Variants in SCN3A observed in about 807,000 individuals in gnomAD.
SCN3A encodes the protein sodium channel protein type 3 subunit alpha.
A neutral mutation model predicts 187.6 loss-of-function variants in SCN3A; 60 were observed. That is an observed-to-expected ratio of 0.32 (90% CI 0.26 to 0.40). SCN3A has a LOEUF of 0.40. Ranked by LOEUF, SCN3A falls within the 10% of genes least tolerant of loss-of-function variation. The pLI is 1.00. For missense variants in SCN3A, 1,601 were observed against 2,428.2 expected, an observed-to-expected ratio of 0.66 and a Z score of 7.16; for synonymous variants, 788 against 829.2, an observed-to-expected ratio of 0.95 and a Z score of 0.85.
chr2:165,126,570 T>G (rs1297330606), intron 18 of SCN3A, among the ~76,000 whole-genome samples: 1 of 145,632 alleles, frequency 6.9e-6, no homozygotes, highest in African/African-American at 2.5e-5. Context: ...TCTTTCCCCT[T>G]CCTTCCTCCC....
At chr2:165,116,929 G>T (rs1006474910) in intron 18 of SCN3A, among the ~76,000 whole-genome samples, 2 of 145,614 alleles carry the variant, frequency 1.4e-5, no homozygotes, top group Admixed American at 1.4e-4. Context: ...AGTTCTTAGG[G>T]TCATGATAGC....
At chr2:165,169,364 G>T (rs1351090413) in intron 4 of SCN3A, among the ~76,000 whole-genome samples, 2 of 151,836 alleles carry the variant, frequency 1.3e-5, no homozygotes, top group African/African-American at 4.8e-5. Flanking sequence ...ATTTTGTGCT[G>T]ATAAGGTAAT....
chr2:165,131,363 G>C lies in SCN3A; in HGVS notation c.2446C>G (p.Pro816Ala). The C allele has an allele frequency of 6.2e-7, 1 of 1,608,120 alleles. No homozygotes were observed. Among genetic ancestry groups the C allele is most frequent in the South Asian group, 1.1e-5 (1 of 90,476 alleles). ...EMVLKIIAMD[P>A]YYYFQEGWNI... ...CAGCCTTCTTGGAAATAGTAATAAG[G>C]ATCCATGGCAATGATCTTGAGAACC... Residue 816 changes from proline to alanine, a missense_variant, in exon 16 of 28, where the codon CCT becomes GCT. Pro to Ala is a conservative substitution (Grantham distance 27, BLOSUM62 -1). Around this residue, in one of 11 missense-constraint regions of SCN3A, gnomAD observed 376 missense variants for 476.0 expected, o/e 0.79. Coordinates refer to ENST00000283254, the MANE Select transcript of SCN3A (RefSeq NM_006922.4).
At position 165,088,089 on chromosome 2, in the gene SCN3A, TGCCAACAGC is replaced by T. The variant is rs1684918229; in HGVS notation, c.*2052_*2060del. 2.0e-5 allele frequency: 3 copies of T among 152,464 alleles called. No homozygotes were observed. The highest frequency in any genetic ancestry group is 7.2e-5 in the African/African-American group (3 of 41,446). 9.4% of individuals were successfully genotyped at this position (152,464 alleles called of 1,614,324 possible). ...TTTATTAATTATATATATTTTAAACTGCCAACAGCAAAAAACAAAAACAAAAAACCCCAG... is the reference window on the plus strand; with the variant it reads ...TTTATTAATTATATATATTTTAAACTAAAAAACAAAAACAAAAAACCCCAG... On this transcript the variant is annotated 3_prime_UTR_variant, in exon 28 of 28. Transcript: ENST00000283254.
rs541219112 is a variant in SCN3A at position 165,191,039 on chromosome 2, T to C, written c.-247-4292A>G. ...CCACACTTTGACAATACCTAGCTTA[T>C]TGAATCCAGGATTTTACGTTGTTTT... On this transcript the variant is annotated intron_variant, in intron 1 of 27. Coordinates refer to ENST00000283254, the MANE Select transcript of SCN3A (RefSeq NM_006922.4). Among the ~76,000 whole-genome samples, 23 of 151,172 alleles carry C rather than the reference T, an allele frequency of 1.5e-4. 1 individual carries two copies. Among genetic ancestry groups the C allele is most frequent in the African/African-American group, 5.3e-4 (22 of 41,370 alleles).
chr2:165,094,099 T>C (rs1436160277), intron 26 of SCN3A: 2 of 444,212 alleles, frequency 4.5e-6, no homozygotes, highest in Non-Finnish European at 8.2e-6. Flanking sequence ...GTGCTGTTGG[T>C]AGCAGGAAAG....
At chr2:165,149,381 G>A (rs1427295444) in intron 11 of SCN3A, among the ~76,000 whole-genome samples, 2 of 151,956 alleles carry the variant, frequency 1.3e-5, no homozygotes, top group Non-Finnish European at 2.9e-5. Flanking sequence ...CACTATGTTG[G>A]CCAGGCTGAT....
chr2:165,145,803 T>A (rs1175286108), intron 12 of SCN3A, among the ~76,000 whole-genome samples: 2 of 152,110 alleles, frequency 1.3e-5, no homozygotes, highest in Non-Finnish European at 2.9e-5. Flanking sequence ...GGTATAATTC[T>A]GACTCAAGAT....
At chr2:165,109,533 C>T (rs913645082) in intron 21 of SCN3A, among the ~76,000 whole-genome samples, 8 of 152,176 alleles carry the variant, frequency 5.3e-5, no homozygotes, top group African/African-American at 9.7e-5. Flanking sequence ...CATTTGTTCA[C>T]GGTGAAAGAA....
chr2:165,118,931 T>G (rs1300130995), intron 18 of SCN3A, among the ~76,000 whole-genome samples: 3 of 151,924 alleles, frequency 2.0e-5, no homozygotes, highest in Non-Finnish European at 2.9e-5. Flanking sequence ...ATTGGCTAAT[T>G]TTTTGTATTT....
chr2:165,154,687 G>C (rs776910986), intron 10 of SCN3A, 29 bp from the exon 11 acceptor site: 2 of 1,574,360 alleles, frequency 1.3e-6, no homozygotes, highest in Non-Finnish European at 1.7e-6. Context: ...AATTCCATCA[G>C]TATTTTAGTA....
chr2:165,139,460 A>T lies in SCN3A; in HGVS notation c.2152+16T>A. 6.2e-7 allele frequency: 1 copy of T among 1,613,814 alleles called. No individual in the cohort carries two copies. The highest frequency in any genetic ancestry group is 8.5e-7 in the Non-Finnish European group (1 of 1,179,782). On this transcript the variant is annotated intron_variant, in intron 14 of 27. Coordinates refer to ENST00000283254, the MANE Select transcript of SCN3A (RefSeq NM_006922.4). Reference sequence around the variant, plus strand: ...ATAATCACAGAAAGTTGGCTGTTCCATGACCTGCTTCTTACCTTCCATTGT... The same window carrying T: ...ATAATCACAGAAAGTTGGCTGTTCCTTGACCTGCTTCTTACCTTCCATTGT...
At chr2:165,179,903 A>G (rs1690728076) in intron 2 of SCN3A, among the ~76,000 whole-genome samples, 3 of 152,126 alleles carry the variant, frequency 2.0e-5, no homozygotes, top group African/African-American at 7.2e-5. Flanking sequence ...TTCACATTAG[A>G]GCAGACTTTA....
intron 4 of SCN3A, among the ~76,000 whole-genome samples, chr2:165,169,441 T>C (rs1689978468): frequency 6.6e-6 from 1 of 151,908 alleles, no homozygotes; most frequent in African/African-American, 2.4e-5. Flanking sequence ...CTGGCTATAC[T>C]CTTGTATCTA....
chr2:165,147,446 C>T (rs1462970403), intron 11 of SCN3A, among the ~76,000 whole-genome samples: 1 of 152,004 alleles, frequency 6.6e-6, no homozygotes, highest in South Asian at 2.1e-4. Context: ...CGTATTTTTT[C>T]CCCTCTAAAT....
intron 11 of SCN3A, 28 bp downstream of exon 11, chr2:165,154,424 A>G: frequency 6.2e-7 from 1 of 1,607,836 alleles, no homozygotes; most frequent in Non-Finnish European, 8.5e-7. Context: ...AATAATAATG[A>G]TAAATCTTTG....
chr2:165,158,019 C>T (rs1049747297), intron 9 of SCN3A, among the ~76,000 whole-genome samples: 2 of 152,122 alleles, frequency 1.3e-5, no homozygotes, highest in African/African-American at 4.8e-5. Context: ...ACCATTTCTC[C>T]AAGGAGCCCT....
intron 2 of SCN3A, among the ~76,000 whole-genome samples, chr2:165,184,459 C>A (rs1175773200): frequency 2.1e-5 from 2 of 95,750 alleles, no homozygotes; most frequent in African/African-American, 4.0e-5. Context: ...GACAAGGAGC[C>A]AAGATTTAAA....
chr2:165,167,690 G>A (rs1689856763), intron 5 of SCN3A, among the ~76,000 whole-genome samples: 2 of 152,026 alleles, frequency 1.3e-5, no homozygotes, highest in South Asian at 4.1e-4. Flanking sequence ...AAATAATGTT[G>A]TTACGATAAA....
Sources: gnomAD v4.1 joint callset for allele counts (sites outside exome capture counted in the v4.1 genomes callset) on GRCh38, gnomAD v4.1.1 for gene constraint, gnomAD v4.1.1 regional missense constraint, MANE v1.5 for transcripts, NCBI Gene and HGNC (gene_info 2026-07-23, HGNC 2026-07-21) for gene names.